CHRM3: variants seen among roughly 807,000 people sequenced by gnomAD.
CHRM3 encodes the protein muscarinic acetylcholine receptor M3.
A neutral mutation model predicts 41.8 loss-of-function variants in CHRM3; 11 were observed. The ratio of observed to expected loss-of-function variants is 0.26; its 90% confidence interval spans 0.17 to 0.44. The LOEUF (loss-of-function observed/expected upper bound fraction) is 0.44. CHRM3 is among the 20% of genes least tolerant of loss of function. The pLI, the probability that CHRM3 is intolerant of heterozygous loss-of-function variation, is 1.00. For synonymous variants in CHRM3, 297 were observed against 301.4 expected, an observed-to-expected ratio of 0.99 and a Z score of 0.15; for missense variants, 571 against 745.4, an observed-to-expected ratio of 0.77 and a Z score of 2.72.
At chr1:239,695,103 C>T (rs1558462015) in intron 5 of CHRM3, among the ~76,000 whole-genome samples, 3 of 152,144 alleles carry the variant, frequency 2.0e-5, no homozygotes, top group Non-Finnish European at 4.4e-5. Flanking sequence ...CTCTGCCTCC[C>T]GGGTTCAAGA....
chr1:239,746,619 G>C (rs1349888599), intron 5 of CHRM3, among the ~76,000 whole-genome samples: 1 of 152,114 alleles, frequency 6.6e-6, no homozygotes, highest in Non-Finnish European at 1.5e-5. Context: ...CTCTCTTTCT[G>C]TCTCATCCCT....
At chr1:239,637,942 G>A (rs970191745) in intron 4 of CHRM3, among the ~76,000 whole-genome samples, 2 of 117,890 alleles carry the variant, frequency 1.7e-5, no homozygotes, top group Non-Finnish European at 3.2e-5. Context: ...TCCCCAGAGT[G>A]TGATGTTCCC....
Position 239,759,156 on chromosome 1 carries a change from G to GTTTTTTTTTTTTTTTTTTTTT in CHRM3, c.-146-68096_-146-68095insTTTTTTTTTTTTTTTTTTTTT, listed in dbSNP as rs1558518322. On this transcript the variant is annotated intron_variant, in intron 5 of 6. Coordinates refer to ENST00000676153, the MANE Select transcript of CHRM3 (RefSeq NM_001375978.1). Reference sequence around the variant, plus strand: ...AGCATTTTCCCCCCTGAGCTTTATGGGTTTTTTTTTTTGTTTTTTTTTTTT... The same window carrying GTTTTTTTTTTTTTTTTTTTTT: ...AGCATTTTCCCCCCTGAGCTTTATGGTTTTTTTTTTTTTTTTTTTTTGTTTTTTTTTTTGTTTTTTTTTTTT... Among the ~76,000 whole-genome samples, 3 of 133,032 alleles carry GTTTTTTTTTTTTTTTTTTTTT rather than the reference G, an allele frequency of 2.3e-5. 1 individual carries two copies. Among genetic ancestry groups the GTTTTTTTTTTTTTTTTTTTTT allele is most frequent in the African/African-American group, 1.1e-4 (3 of 28,268 alleles). 87.3% of individuals were successfully genotyped at this position (133,032 alleles called of 152,430 possible).
chr1:239,597,214 G>A (rs12118109), intron 3 of CHRM3, among the ~76,000 whole-genome samples: 4,163 of 152,008 alleles, frequency 0.027, 83 homozygotes, highest in Non-Finnish European at 0.042. Flanking sequence ...CATTTCCTAT[G>A]AACTGGGCAC....
intron 6 of CHRM3, among the ~76,000 whole-genome samples, chr1:239,838,901 A>G (rs1156888752): frequency 6.6e-6 from 1 of 152,212 alleles, no homozygotes; most frequent in Non-Finnish European, 1.5e-5. Context: ...TTATATACTC[A>G]GGGAAGAATC....
At chr1:239,766,110 G>A (rs752665504) in intron 5 of CHRM3, among the ~76,000 whole-genome samples, 18 of 152,026 alleles carry the variant, frequency 1.2e-4, no homozygotes, top group South Asian at 2.1e-4. Flanking sequence ...CACCGCGCCC[G>A]GCCATGCATG....
chr1:239,786,752 C>A lies in CHRM3; in HGVS notation c.-146-40500C>A, dbSNP rs189157721. ...GCTGCTGAAGGTGTCATATGCACAG[C>A]AAATGAGATGACGCCGTAGTGTCAC... On this transcript the variant is annotated intron_variant, in intron 5 of 6. Coordinates refer to ENST00000676153, the MANE Select transcript of CHRM3 (RefSeq NM_001375978.1). Among the ~76,000 whole-genome samples the A allele has an allele frequency of 7.0e-3, 1,067 of 152,182 alleles. 8 individuals are homozygous for A. Among genetic ancestry groups the A allele is most frequent in the Non-Finnish European group, 0.011 (752 of 68,022 alleles).
At chr1:239,824,326 G>C (rs1032543949) in intron 5 of CHRM3, among the ~76,000 whole-genome samples, 2 of 152,152 alleles carry the variant, frequency 1.3e-5, no homozygotes, top group East Asian at 3.9e-4. Flanking sequence ...GGTGGACTCG[G>C]TGCCTTCAAT....
rs1179933073 is a variant in CHRM3 at position 239,481,442 on chromosome 1, G to T, written c.-520-11267G>T. Among the ~76,000 whole-genome samples the T allele has an allele frequency of 2.0e-5, 3 of 152,064 alleles. No homozygotes were observed. The East Asian group carries it at 5.8e-4, about 29-fold the overall frequency. ...CTTTTTTCAATGTAAAAATATCCAA[G>T]TTTTTAAATAAAAAATACTTTTGCT... On this transcript the variant is annotated intron_variant, in intron 1 of 6. Transcript: ENST00000676153.
At chr1:239,712,876 A>G (rs181033599) in intron 5 of CHRM3, among the ~76,000 whole-genome samples, 2 of 152,296 alleles carry the variant, frequency 1.3e-5, no homozygotes, top group African/African-American at 4.8e-5. Flanking sequence ...GTGGAATTTG[A>G]TCATGAAGTA....
chr1:239,450,228 C>A (rs940913609), intron 1 of CHRM3, among the ~76,000 whole-genome samples: 1 of 152,104 alleles, frequency 6.6e-6, no homozygotes, highest in Non-Finnish European at 1.5e-5. Flanking sequence ...AACTTAAGTA[C>A]CTTGTGGAAA....
chr1:239,505,370 G>C (rs1668501807), intron 2 of CHRM3, among the ~76,000 whole-genome samples: 1 of 152,056 alleles, frequency 6.6e-6, no homozygotes, highest in Non-Finnish European at 1.5e-5. Context: ...TTGTGAGGGG[G>C]ACCTGGCAGG....
chr1:239,518,185 G>A (rs1442687972), intron 2 of CHRM3, among the ~76,000 whole-genome samples: 1 of 152,182 alleles, frequency 6.6e-6, no homozygotes, highest in African/African-American at 2.4e-5. Flanking sequence ...AGAGCACGAG[G>A]AAAGACTAAG....
rs760921694 is a variant in CHRM3, at chr1:239,448,051, C to T, written c.-520-44658C>T. On this transcript the variant is annotated intron_variant, in intron 1 of 6. Coordinates refer to ENST00000676153, the MANE Select transcript of CHRM3 (RefSeq NM_001375978.1). ...TTCCAGTCTGGGTTCTACCATTTCA[C>T]GGTGACATAATGTTGGGCAAATTAT... Among the ~76,000 whole-genome samples, 117 of 152,242 alleles carry T rather than the reference C, an allele frequency of 7.7e-4. 1 individual carries two copies. Among genetic ancestry groups the T allele is most frequent in the Non-Finnish European group, 1.3e-3 (86 of 68,014 alleles).
At chr1:239,848,230 TG>T (rs1405089889) in intron 6 of CHRM3, among the ~76,000 whole-genome samples, 1 of 152,110 alleles carries the variant, frequency 6.6e-6, no homozygotes, top group African/African-American at 2.4e-5. Context: ...ACTACCCAAA[TG>T]CTTTACAAAA....
chr1:239,595,240 G>T (rs908862191), intron 3 of CHRM3, among the ~76,000 whole-genome samples: 2 of 152,172 alleles, frequency 1.3e-5, no homozygotes, highest in African/African-American at 4.8e-5. Flanking sequence ...ATTATTTAAA[G>T]TAAACAGGAA....
At chr1:239,666,956 T>C (rs1330073043) in intron 4 of CHRM3, among the ~76,000 whole-genome samples, 1 of 152,218 alleles carries the variant, frequency 6.6e-6, no homozygotes, top group African/African-American at 2.4e-5. Flanking sequence ...TCACTTAGAA[T>C]AATGGCCTCC....
intron 3 of CHRM3, among the ~76,000 whole-genome samples, chr1:239,577,653 A>G (rs1258040550): frequency 1.3e-5 from 2 of 152,220 alleles, no homozygotes; most frequent in Non-Finnish European, 2.9e-5. Context: ...CAAATTACTT[A>G]ATCATTTCGC....
intron 4 of CHRM3, among the ~76,000 whole-genome samples, chr1:239,676,172 CAA>C (rs1004139601): frequency 6.6e-6 from 1 of 152,164 alleles, no homozygotes; most frequent in Non-Finnish European, 1.5e-5. Flanking sequence ...GCTGCACCAG[CAA>C]AGTTACTAAA....
Sources: gnomAD v4.1 joint callset for allele counts (sites outside exome capture counted in the v4.1 genomes callset) on GRCh38, gnomAD v4.1.1 for gene constraint, MANE v1.5 for transcripts, NCBI Gene and HGNC (gene_info 2026-07-23, HGNC 2026-07-21) for gene names.